Variants in TBC1D22A observed in about 807,000 individuals in gnomAD.
TBC1D22A encodes putative GTPase activator.
A neutral mutation model predicts 60.2 loss-of-function variants in TBC1D22A; 38 were observed. The ratio of observed to expected loss-of-function variants is 0.63; its 90% CI spans 0.49 to 0.83. The LOEUF (loss-of-function observed/expected upper bound fraction) is 0.83. Ranked by LOEUF, TBC1D22A falls within the 40% of genes least tolerant of loss-of-function variation. The pLI, the probability that TBC1D22A is intolerant of heterozygous loss-of-function variation, is 0.00. For synonymous variants in TBC1D22A, 302 were observed against 281.7 expected, an observed-to-expected ratio of 1.07 and a Z score of -0.72; for missense variants, 628 against 701.0, an observed-to-expected ratio of 0.90 and a Z score of 1.18.
chr22:46,976,720 C>T (rs775692675), intron 9 of TBC1D22A, among the ~76,000 whole-genome samples: 1 of 152,192 alleles, frequency 6.6e-6, no homozygotes, highest in Non-Finnish European at 1.5e-5. Context: ...TGATTGAAAC[C>T]CTTGGGGAAG....
intron 11 of TBC1D22A, among the ~76,000 whole-genome samples, chr22:47,073,893 CGAG>C (rs2064104993): frequency 6.6e-6 from 1 of 152,128 alleles, no homozygotes; most frequent in Non-Finnish European, 1.5e-5. Context: ...TTTGGAAGGT[CGAG>C]GAGGGCAGAT....
chr22:46,798,276 T>C (rs73477349), intron 4 of TBC1D22A, among the ~76,000 whole-genome samples: 2,418 of 152,350 alleles, frequency 0.016, 72 homozygotes, highest in African/African-American at 0.056. Context: ...TTGACAGTAT[T>C]CTGAAGACAG....
chr22:46,924,449 C>G (rs1439857155), intron 8 of TBC1D22A, among the ~76,000 whole-genome samples: 1 of 152,192 alleles, frequency 6.6e-6, no homozygotes, highest in African/African-American at 2.4e-5. Flanking sequence ...AGTGCATTTA[C>G]TTAAGAACAT....
chr22:47,152,901 T>C (rs982933887), intron 12 of TBC1D22A, among the ~76,000 whole-genome samples: 1 of 151,712 alleles, frequency 6.6e-6, no homozygotes, highest in African/African-American at 2.4e-5. Flanking sequence ...GAGCGTTAGC[T>C]GTGGGAGAAA....
intron 12 of TBC1D22A, among the ~76,000 whole-genome samples, chr22:47,162,407 C>T (rs5005653): frequency 0.61 from 92,394 of 151,544 alleles, 28,345 homozygotes; most frequent in East Asian, 0.71. Flanking sequence ...GTTGCCATGG[C>T]GTGTGGTGTG....
chr22:46,916,328 C>T (rs2070366364), intron 8 of TBC1D22A, among the ~76,000 whole-genome samples: 1 of 152,146 alleles, frequency 6.6e-6, no homozygotes, highest in African/African-American at 2.4e-5. Context: ...TGGAGGTGTG[C>T]TCAGAGGTGG....
intron 12 of TBC1D22A, among the ~76,000 whole-genome samples, chr22:47,146,015 G>A (rs995641591): frequency 2.0e-5 from 3 of 151,890 alleles, no homozygotes; most frequent in Admixed American, 1.3e-4. Flanking sequence ...TAAAGCAGGG[G>A]TTGACCAGGA....
chr22:46,840,731 T>TCC lies in TBC1D22A; in HGVS notation c.638-37922_638-37921insCC, dbSNP rs753906993. Among the ~76,000 whole-genome samples the TCC allele has an allele frequency of 2.8e-5, 4 of 141,244 alleles. 1 individual carries two copies. The highest frequency in any genetic ancestry group is 7.1e-5 in the Admixed American group (1 of 14,146). The allele number at this position is 141,244 out of a possible 152,430, so 92.7% of individuals were successfully genotyped here. On this transcript the variant is annotated intron_variant, in intron 4 of 12. Coordinates refer to ENST00000337137, the MANE Select transcript of TBC1D22A (RefSeq NM_014346.5). The stretch of plus-strand genomic sequence containing the variant: ...CTGGGTGGCAGAGCGAGACTCTGTC[T>TCC]ACAAAAAAAAAAAAAAGACAAATGA...
chr22:46,925,905 C>CA (rs2071021782), intron 8 of TBC1D22A, among the ~76,000 whole-genome samples: 1 of 152,008 alleles, frequency 6.6e-6, no homozygotes, highest in Non-Finnish European at 1.5e-5. Context: ...TACAATAGAC[C>CA]ATATGCTAGG....
At chr22:46,897,133 G>A (rs1037648000) in intron 7 of TBC1D22A, among the ~76,000 whole-genome samples, 2 of 152,046 alleles carry the variant, frequency 1.3e-5, no homozygotes, top group African/African-American at 4.8e-5. Context: ...ACAAAGAATT[G>A]GACAAAATGC....
intron 11 of TBC1D22A, among the ~76,000 whole-genome samples, chr22:47,058,746 G>T (rs940307199): frequency 6.6e-6 from 1 of 152,126 alleles, no homozygotes; most frequent in Non-Finnish European, 1.5e-5. Flanking sequence ...GGCCTTGGTG[G>T]GGTTGGTCCG....
intron 8 of TBC1D22A, among the ~76,000 whole-genome samples, chr22:46,943,865 C>G (rs962982283): frequency 1.3e-5 from 2 of 152,116 alleles, no homozygotes; most frequent in African/African-American, 4.8e-5. Context: ...TGAGGTTCGC[C>G]GGTATTGTAG....
intron 4 of TBC1D22A, among the ~76,000 whole-genome samples, chr22:46,817,598 T>C (rs544814315): frequency 6.6e-6 from 1 of 152,388 alleles, no homozygotes; most frequent in East Asian, 1.9e-4. Flanking sequence ...TTCCTTTTTA[T>C]GGCTGCATAG....
chr22:47,058,911 C>T (rs1436076188), intron 11 of TBC1D22A, among the ~76,000 whole-genome samples: 1 of 152,112 alleles, frequency 6.6e-6, no homozygotes, highest in Non-Finnish European at 1.5e-5. Flanking sequence ...AGTGGTGGGG[C>T]CCTGGGGAAC....
chr22:46,912,023 GT>G (rs2069965407), intron 7 of TBC1D22A, 50 bp from the exon 8 acceptor site: 1 of 1,273,774 alleles, frequency 7.9e-7, no homozygotes, highest in African/African-American at 1.5e-5. Context: ...TCATTTTAAA[GT>G]TTCTGCCATG....
At chr22:47,084,267 G>A (rs1214402525) in intron 11 of TBC1D22A, among the ~76,000 whole-genome samples, 1 of 152,258 alleles carries the variant, frequency 6.6e-6, no homozygotes, top group Non-Finnish European at 1.5e-5. Context: ...GTATTGGGCA[G>A]CACAGATGTA....
At chr22:47,163,457 C>T (rs2068076320) in intron 12 of TBC1D22A, among the ~76,000 whole-genome samples, 1 of 152,246 alleles carries the variant, frequency 6.6e-6, no homozygotes, top group Admixed American at 6.5e-5. Flanking sequence ...CCTCCTGGAG[C>T]ACAGGTGCAT....
chr22:46,836,910 G>A (rs1019947648), intron 4 of TBC1D22A, among the ~76,000 whole-genome samples: 4 of 151,902 alleles, frequency 2.6e-5, no homozygotes, highest in African/African-American at 9.7e-5. Context: ...TATAATTCCA[G>A]TGCTTTGGGA....
intron 8 of TBC1D22A, among the ~76,000 whole-genome samples, chr22:46,963,418 A>G (rs1382917377): frequency 7.0e-6 from 1 of 142,782 alleles, no homozygotes; most frequent in African/African-American, 2.9e-5. Flanking sequence ...GAGAGCTCTC[A>G]GGCCTCCACG....
Sources: gnomAD v4.1 joint callset for allele counts (sites outside exome capture counted in the v4.1 genomes callset) on GRCh38, gnomAD v4.1.1 for gene constraint, MANE v1.5 for transcripts, NCBI Gene and HGNC (gene_info 2026-07-23, HGNC 2026-07-21) for gene names.